Variants in CDH12 observed in about 807,000 individuals in gnomAD.
CDH12 encodes cadherin 12, also known as cadherin-12.
In CDH12, 41 loss-of-function variants were observed where a neutral mutation model predicts 74.1. The ratio of observed to expected loss-of-function variants is 0.55; its 90% CI spans 0.43 to 0.72. The LOEUF is 0.72. CDH12 is among the 30% of genes least tolerant of loss of function. The pLI is 0.00. For missense variants in CDH12, 945 were observed against 977.2 expected, an observed-to-expected ratio of 0.97 and a Z score of 0.44; for synonymous variants, 399 against 355.0, an observed-to-expected ratio of 1.12 and a Z score of -1.39.
intron 6 of CDH12, among the ~76,000 whole-genome samples, chr5:21,879,688 C>A (rs1752138618): frequency 6.6e-6 from 1 of 151,700 alleles, no homozygotes. Context: ...AAGTTGTAAG[C>A]CAGGGGTAAA....
intron 2 of CDH12, among the ~76,000 whole-genome samples, chr5:22,411,097 G>A (rs1743151886): frequency 6.6e-6 from 1 of 150,958 alleles, no homozygotes; most frequent in Non-Finnish European, 1.5e-5. Context: ...AAATTGGTCA[G>A]GTATATACAA....
chr5:22,368,457 G>A (rs1187978624), intron 3 of CDH12, among the ~76,000 whole-genome samples: 2 of 135,538 alleles, frequency 1.5e-5, no homozygotes, highest in Non-Finnish European at 3.1e-5. Context: ...CTACCACCAA[G>A]TCTGGCTAAT....
At chr5:22,069,350 A>C (rs1223691375) in intron 5 of CDH12, among the ~76,000 whole-genome samples, 2 of 152,132 alleles carry the variant, frequency 1.3e-5, no homozygotes, top group Admixed American at 1.3e-4. Flanking sequence ...GGGCTGGGGC[A>C]AGGGGGTCTC....
chr5:21,955,396 A>G (rs1432438426), intron 6 of CDH12, among the ~76,000 whole-genome samples: 1 of 151,936 alleles, frequency 6.6e-6, no homozygotes, highest in South Asian at 2.1e-4. Context: ...TTCATTTTCT[A>G]GTTATGGTGG....
intron 1 of CDH12, among the ~76,000 whole-genome samples, chr5:22,587,066 C>A (rs917121090): frequency 2.0e-5 from 3 of 151,954 alleles, no homozygotes; most frequent in South Asian, 2.1e-4. Context: ...GAACTCCTGA[C>A]CTCAGGCGAT....
At chr5:22,801,636 C>CATATATATATAT (rs568139109) in intron 1 of CDH12, among the ~76,000 whole-genome samples, 3 of 50,880 alleles carry the variant, frequency 5.9e-5, no homozygotes, top group Non-Finnish European at 7.7e-5. Flanking sequence ...CTCTGCTTAT[C>CATATATATATAT]ATATATATAT....
intron 4 of CDH12, among the ~76,000 whole-genome samples, chr5:22,091,060 C>T (rs1407034915): frequency 6.6e-6 from 1 of 151,346 alleles, no homozygotes; most frequent in East Asian, 1.9e-4. Flanking sequence ...TTACGACATT[C>T]TAATGGAGGT....
chr5:21,924,367 T>G (rs933988872), intron 6 of CDH12, among the ~76,000 whole-genome samples: 2 of 151,934 alleles, frequency 1.3e-5, no homozygotes, highest in Non-Finnish European at 2.9e-5. Context: ...AATACAAAAA[T>G]TAGCTGGGAG....
At chr5:22,818,812 T>C (rs12189454) in intron 1 of CDH12, among the ~76,000 whole-genome samples, 9,375 of 152,226 alleles carry the variant, frequency 0.062, 424 homozygotes, top group Middle Eastern at 0.14. Context: ...AGGAAATCCA[T>C]TGGTTGCTTC....
intron 1 of CDH12, among the ~76,000 whole-genome samples, chr5:22,576,490 A>T (rs1446571275): frequency 1.3e-5 from 2 of 152,206 alleles, no homozygotes; most frequent in Non-Finnish European, 2.9e-5. Flanking sequence ...ATGCCCTTAA[A>T]TATATGGAGA....
intron 5 of CDH12, among the ~76,000 whole-genome samples, chr5:21,980,819 T>C (rs1190878278): frequency 6.6e-6 from 1 of 152,122 alleles, no homozygotes; most frequent in African/African-American, 2.4e-5. Context: ...TGGTACACTG[T>C]ACACTGTTTT....
intron 8 of CDH12, among the ~76,000 whole-genome samples, chr5:21,821,217 C>A (rs1748352805): frequency 6.6e-6 from 1 of 151,548 alleles, no homozygotes; most frequent in Non-Finnish European, 1.5e-5. Context: ...AGGGGACATG[C>A]ATTGCTACTT....
chr5:22,081,136 T>G (rs1464186376), intron 4 of CDH12, among the ~76,000 whole-genome samples: 1 of 152,142 alleles, frequency 6.6e-6, no homozygotes, highest in Non-Finnish European at 1.5e-5. Context: ...GCAACTCACA[T>G]TTACATTTTG....
chr5:21,888,714 G>C (rs1752758519), intron 6 of CDH12, among the ~76,000 whole-genome samples: 1 of 151,904 alleles, frequency 6.6e-6, no homozygotes, highest in Non-Finnish European at 1.5e-5. Flanking sequence ...ATAGATATAA[G>C]TAAATTGAGA....
chr5:22,421,780 T>G (rs574483862), intron 2 of CDH12, among the ~76,000 whole-genome samples: 1 of 152,226 alleles, frequency 6.6e-6, no homozygotes, highest in African/African-American at 2.4e-5. Context: ...TCCACAATGG[T>G]TGAACTAGTT....
chr5:22,427,292 C>T (rs1432009396), intron 2 of CDH12, among the ~76,000 whole-genome samples: 1 of 152,122 alleles, frequency 6.6e-6, no homozygotes, highest in Non-Finnish European at 1.5e-5. Flanking sequence ...CTCAGCCTCT[C>T]AAGTAGCTGG....
intron 1 of CDH12, among the ~76,000 whole-genome samples, chr5:22,759,091 A>G (rs1746075801): frequency 6.6e-6 from 1 of 152,162 alleles, no homozygotes. Context: ...AAACAAGTCC[A>G]AAAGATTGCC....
At chr5:21,988,651 T>C (rs1324750461) in intron 5 of CDH12, among the ~76,000 whole-genome samples, 1 of 151,830 alleles carries the variant, frequency 6.6e-6, no homozygotes, top group Non-Finnish European at 1.5e-5. Context: ...AAATTGGAAG[T>C]AGAACAAAAA....
At chr5:22,669,496 A>T (rs1740795584) in intron 1 of CDH12, among the ~76,000 whole-genome samples, 1 of 152,160 alleles carries the variant, frequency 6.6e-6, no homozygotes, top group South Asian at 2.1e-4. Flanking sequence ...ATATGCAACC[A>T]AAAGGCTACG....
Sources: gnomAD v4.1 joint callset for allele counts (sites outside exome capture counted in the v4.1 genomes callset) on GRCh38, gnomAD v4.1.1 for gene constraint, MANE v1.5 for transcripts, NCBI Gene and HGNC (gene_info 2026-07-23, HGNC 2026-07-21) for gene names.